Variants in PGCKA1 observed in about 807,000 individuals in gnomAD.
The protein encoded by PGCKA1 is PDCD10 and GCKIII kinases associated 1, also known as PDCD10 and GCKIII kinases-associated protein 1.
At chr4:37,458,289 C>T in the PGCKA1 span, among the ~76,000 whole-genome samples, 1 of 152,170 alleles carries the variant, frequency 6.6e-6, no homozygotes, top group South Asian at 2.1e-4. Flanking sequence ...ATGAAAAACT[C>T]ATTCTATATT....
the PGCKA1 span, among the ~76,000 whole-genome samples, chr4:37,575,216 A>G: frequency 5.5e-5 from 8 of 144,794 alleles, no homozygotes; most frequent in Admixed American, 1.3e-4. Context: ...ATTCCCACCA[A>G]CTGTGTATGA....
At chr4:37,508,825 G>A in the PGCKA1 span, among the ~76,000 whole-genome samples, 8 of 148,858 alleles carry the variant, frequency 5.4e-5, no homozygotes, top group Admixed American at 2.0e-4. Flanking sequence ...AGGACCCTGC[G>A]GCCTTCCGCA....
At chr4:37,565,293 C>G in the PGCKA1 span, among the ~76,000 whole-genome samples, 3 of 152,174 alleles carry the variant, frequency 2.0e-5, no homozygotes, top group South Asian at 4.1e-4. Context: ...GCTTCTCCCC[C>G]CAAAACCTTC....
chr4:37,482,174 G>A, the PGCKA1 span, among the ~76,000 whole-genome samples: 2 of 152,188 alleles, frequency 1.3e-5, no homozygotes, highest in African/African-American at 4.8e-5. Context: ...CTGCTGTAAA[G>A]ATACTAAAAA....
chr4:37,519,482 C>A, the PGCKA1 span, among the ~76,000 whole-genome samples: 1 of 152,062 alleles, frequency 6.6e-6, no homozygotes, highest in Non-Finnish European at 1.5e-5. Flanking sequence ...TCTTTCACTT[C>A]TTTGGTTAAG....
chr4:37,464,457 T>C, the PGCKA1 span, among the ~76,000 whole-genome samples: 1 of 152,220 alleles, frequency 6.6e-6, no homozygotes, highest in Admixed American at 6.5e-5. Flanking sequence ...TCCTCTAATG[T>C]GTGTCTACCT....
At chr4:37,552,932 T>C in the PGCKA1 span, among the ~76,000 whole-genome samples, 1 of 152,262 alleles carries the variant, frequency 6.6e-6, no homozygotes, top group Admixed American at 6.5e-5. Flanking sequence ...AACATGGGTC[T>C]CTCCATTGTC....
At chr4:37,546,194 G>C in the PGCKA1 span, among the ~76,000 whole-genome samples, 3 of 152,098 alleles carry the variant, frequency 2.0e-5, no homozygotes, top group African/African-American at 7.2e-5. Context: ...GGTACTGAGG[G>C]AACAGAAAGA....
chr4:37,469,748 C>T, the PGCKA1 span, among the ~76,000 whole-genome samples: 5 of 152,140 alleles, frequency 3.3e-5, no homozygotes, highest in African/African-American at 1.2e-4. Context: ...CTTGGTATGA[C>T]ATATAGTTAC....
chr4:37,466,465 T>G, the PGCKA1 span, among the ~76,000 whole-genome samples: 1 of 152,180 alleles, frequency 6.6e-6, no homozygotes, highest in East Asian at 1.9e-4. Flanking sequence ...GTCTTTATTT[T>G]AAGAACAGTG....
chr4:37,563,511 C>T, the PGCKA1 span, among the ~76,000 whole-genome samples: 1 of 152,172 alleles, frequency 6.6e-6, no homozygotes. Flanking sequence ...TAGGACCCCA[C>T]CCTGATGACC....
chr4:37,538,798 A>G, the PGCKA1 span, among the ~76,000 whole-genome samples: 1 of 152,356 alleles, frequency 6.6e-6, no homozygotes, highest in Non-Finnish European at 1.5e-5. Context: ...AGAAAAATAG[A>G]AAAGAATGGA....
chr4:37,503,744 T>A, the PGCKA1 span, among the ~76,000 whole-genome samples: 1 of 152,248 alleles, frequency 6.6e-6, no homozygotes, highest in Non-Finnish European at 1.5e-5. Flanking sequence ...CTCATTTGTA[T>A]GTCTTCTTTT....
the PGCKA1 span, among the ~76,000 whole-genome samples, chr4:37,532,371 T>TA: frequency 6.6e-6 from 1 of 151,434 alleles, no homozygotes; most frequent in Non-Finnish European, 1.5e-5. Context: ...TCTAAATTGT[T>TA]AAACAAAAAT....
At chr4:37,562,970 G>A in the PGCKA1 span, among the ~76,000 whole-genome samples, 5,731 of 152,194 alleles carry the variant, frequency 0.038, 278 homozygotes, top group East Asian at 0.14. Flanking sequence ...CCTCTAAACC[G>A]TGCTCAGTCT....
the PGCKA1 span, among the ~76,000 whole-genome samples, chr4:37,560,805 A>G: frequency 8.0e-6 from 1 of 124,270 alleles, no homozygotes; most frequent in Non-Finnish European, 1.8e-5. Context: ...AGTGATCTTG[A>G]CTTGATCCTA....
At chr4:37,487,633 G>C in the PGCKA1 span, among the ~76,000 whole-genome samples, 11,829 of 152,118 alleles carry the variant, frequency 0.078, 1,594 homozygotes, top group African/African-American at 0.27. Flanking sequence ...CCCTCTTGCT[G>C]TTTCCAATCA....
the PGCKA1 span, among the ~76,000 whole-genome samples, chr4:37,569,557 A>G: frequency 6.6e-6 from 1 of 152,120 alleles, no homozygotes; most frequent in Admixed American, 6.5e-5. Flanking sequence ...GTTCACCCAA[A>G]CACCATATAG....
At chr4:37,580,974 C>G in the PGCKA1 span, among the ~76,000 whole-genome samples, 1 of 152,146 alleles carries the variant, frequency 6.6e-6, no homozygotes. Flanking sequence ...TCCATTCTTC[C>G]CTCCCCTTTT....
Sources: allele counts gnomAD v4.1 joint callset (sites outside exome capture counted in the v4.1 genomes callset), GRCh38; gene constraint gnomAD v4.1.1; transcripts MANE v1.5; gene names NCBI Gene and HGNC (gene_info 2026-07-23, HGNC 2026-07-21).